GATA5: variants seen among roughly 807,000 people sequenced by gnomAD.
GATA5 encodes the protein GATA binding protein 5.
Under a neutral mutation model 35.0 loss-of-function variants are expected in GATA5, and 27 were observed. That is an observed-to-expected ratio of 0.77 (90% CI 0.57 to 1.06). The LOEUF (loss-of-function observed/expected upper bound fraction) is 1.06, where lower values mean the gene tolerates loss of function less well. Among genes scored for constraint, GATA5 ranks in the 50% least tolerant of loss-of-function variants. The pLI is 0.00. For synonymous variants in GATA5, 306 were observed against 267.8 expected, an observed-to-expected ratio of 1.14 and a Z score of -1.39; for missense variants, 612 against 580.0, an observed-to-expected ratio of 1.06 and a Z score of -0.57.
Position 62,475,189 on chromosome 20 carries a change from T to G in GATA5, c.333A>C (p.Arg111=). 7.9e-7 allele frequency: 1 copy of G among 1,265,756 alleles called. No homozygotes were observed. Among genetic ancestry groups the G allele is most frequent in the Non-Finnish European group, 1.0e-6 (1 of 1,003,270 alleles). The allele number at this position is 1,265,756 out of a possible 1,614,324, so 78.4% of individuals were successfully genotyped here. Residue 111 remains arginine, a synonymous_variant, in exon 2 of 7, where the codon CGA becomes CGC. Transcript: ENST00000252997. ...GCGCGCCCTGGTAGGCACTGCCGTCTCGGCCCCCCGCGCTGCCGCCGCTGC... is the reference window on the plus strand; with the variant it reads ...GCGCGCCCTGGTAGGCACTGCCGTCGCGGCCCCCCGCGCTGCCGCCGCTGC... ...GPGSGGSAGG[R]DGSAYQGALL...
intron 6 of GATA5, 25 bp downstream of exon 6, chr20:62,465,315 A>G (rs1170552889): frequency 3.8e-6 from 6 of 1,574,678 alleles, no homozygotes; most frequent in Non-Finnish European, 5.1e-6. Flanking sequence ...AGCTCTGGGC[A>G]CCCCACCCCA....
At position 62,464,620 on chromosome 20, in the gene GATA5, G is replaced by A. The variant is rs1190351955; in HGVS notation, c.*216C>T. On this transcript the variant is annotated 3_prime_UTR_variant, in exon 7 of 7. Transcript: ENST00000252997. ...GAGTCCCTTGCTGTACGTGGGGTGG[G>A]AAGCTGAGCCCTTCCCTCACCAGCC... is the stretch of plus-strand genomic sequence containing the variant. 2.2e-6 allele frequency: 1 copy of A among 450,422 alleles called. No individual in the cohort carries two copies. Among genetic ancestry groups the A allele is most frequent in the Non-Finnish European group, 3.9e-6 (1 of 258,314 alleles). 27.9% of individuals were successfully genotyped at this position (450,422 alleles called of 1,614,324 possible).
At chr20:62,468,768 G>C (rs928423365) in intron 3 of GATA5, among the ~76,000 whole-genome samples, 4 of 152,198 alleles carry the variant, frequency 2.6e-5, no homozygotes, top group African/African-American at 7.2e-5. Flanking sequence ...GGTCTCTCTA[G>C]GGGGATGCTG....
intron 3 of GATA5, among the ~76,000 whole-genome samples, chr20:62,472,756 G>T (rs1555896688): frequency 6.6e-6 from 1 of 152,198 alleles, no homozygotes; most frequent in Non-Finnish European, 1.5e-5. Flanking sequence ...AAAAGTCCAG[G>T]CTCCGGAGTC....
At position 62,475,187 on chromosome 20, in the gene GATA5, T is replaced by A. The variant is rs1989823406; in HGVS notation, c.335A>T (p.Asp112Val). 1 of 1,267,212 alleles carries A rather than the reference T, an allele frequency of 7.9e-7. No homozygotes were observed. Among genetic ancestry groups the A allele is most frequent in the East Asian group, 3.1e-5 (1 of 31,868 alleles). The allele number at this position is 1,267,212 out of a possible 1,614,324, so 78.5% of individuals were successfully genotyped here. The change falls in exon 2 of 7, where the codon GAC becomes GTC. Residue 112 changes from aspartate to valine, a missense_variant. Physicochemically the swap from Asp to Val is radical, Grantham distance 152. Transcript: ENST00000252997. Reference protein sequence around the residue: ...PGSGGSAGGRDGSAYQGALLP... With the variant: ...PGSGGSAGGRVGSAYQGALLP... ...CAGCGCGCCCTGGTAGGCACTGCCG[T>A]CTCGGCCCCCCGCGCTGCCGCCGCT...
intron 2 of GATA5, among the ~76,000 whole-genome samples, chr20:62,474,289 G>C (rs1247785030): frequency 6.6e-6 from 1 of 152,194 alleles, no homozygotes; most frequent in Non-Finnish European, 1.5e-5. Context: ...AGTGGGGGTG[G>C]GGCAGGGATC....
intron 3 of GATA5, among the ~76,000 whole-genome samples, chr20:62,469,851 G>A (rs782019818): frequency 1.3e-5 from 2 of 152,232 alleles, no homozygotes; most frequent in Non-Finnish European, 2.9e-5. Context: ...GAGGAAACTG[G>A]GGAGGCCCGG....
chr20:62,470,495 C>A lies in GATA5; in HGVS notation c.699+2908G>T, dbSNP rs1219958626. ...ATACAGTGCCCATGCCCCTTGCTGGCCGAGGACAAACTGACTTGGGGACGT... is the reference window on the plus strand; with the variant it reads ...ATACAGTGCCCATGCCCCTTGCTGGACGAGGACAAACTGACTTGGGGACGT... On this transcript the variant is annotated intron_variant, in intron 3 of 6. Transcript: ENST00000252997. This position sits in a 1 kb window ranked among gnomAD's most constrained non-coding sequence, Gnocchi z 4.6. Among the ~76,000 whole-genome samples the A allele has an allele frequency of 6.6e-6, 1 of 152,164 alleles. No individual in the cohort carries two copies. Among genetic ancestry groups the A allele is most frequent in the East Asian group, 1.9e-4 (1 of 5,188 alleles).
In GATA5 at chr20:62,464,585, C is replaced by T. The variant is rs1271185079; in HGVS notation, c.*251G>A. 7 of 384,480 alleles carry T rather than the reference C, an allele frequency of 1.8e-5. No individual in the cohort carries two copies. The highest frequency in any genetic ancestry group is 2.8e-5 in the Non-Finnish European group (6 of 216,824). 23.8% of individuals were successfully genotyped at this position (384,480 alleles called of 1,614,324 possible). On this transcript the variant is annotated 3_prime_UTR_variant, in exon 7 of 7. Coordinates refer to ENST00000252997, the MANE Select transcript of GATA5 (RefSeq NM_080473.5). ...GCCAGTGTGGTCCGGAGCCTTGGGC[C>T]GCACCTGGGGAGTCCCTTGCTGTAC...
chr20:62,475,399 C>G lies in GATA5; in HGVS notation c.123G>C (p.Ser41=), dbSNP rs986487322. Residue 41 remains serine, a synonymous_variant, in exon 2 of 7, where the codon TCG becomes TCC. Coordinates refer to ENST00000252997, the MANE Select transcript of GATA5 (RefSeq NM_080473.5). ...CACACCCGGACAGGTAGGACAGCAT[C>G]GAGGGGACGCGCGCCGGCGGCACAA... ...PMFVPPARVP[S]MLSYLSGCEP... 2 of 1,355,060 alleles carry G rather than the reference C, an allele frequency of 1.5e-6. No individual in the cohort carries two copies. Among genetic ancestry groups the G allele is most frequent in the Non-Finnish European group, 1.9e-6 (2 of 1,052,910 alleles). The allele number at this position is 1,355,060 out of a possible 1,614,324, so 83.9% of individuals were successfully genotyped here.
intron 4 of GATA5, 48 bp from the exon 5 acceptor site, chr20:62,465,969 C>G (rs376995375): frequency 7.3e-7 from 1 of 1,367,630 alleles, no homozygotes; most frequent in Admixed American, 2.0e-5. Flanking sequence ...CTGCTCACCC[C>G]GGGCCCCTTG....
intron 5 of GATA5, 152 bp downstream of exon 5, chr20:62,465,682 C>T (rs1313713560): frequency 1.2e-5 from 10 of 852,894 alleles, no homozygotes; most frequent in South Asian, 8.3e-5. Flanking sequence ...CCCACACCCC[C>T]CCCAGCAAGG....
chr20:62,465,725 T>C, intron 5 of GATA5, 109 bp downstream of exon 5: 1 of 976,180 alleles, frequency 1.0e-6, no homozygotes, highest in South Asian at 1.4e-5. Flanking sequence ...GCATTTGGAC[T>C]TCCAGAGGAC....
At chr20:62,474,906 G>C in intron 2 of GATA5, 93 bp downstream of exon 2, 10 of 1,106,482 alleles carry the variant, frequency 9.0e-6, no homozygotes, top group Non-Finnish European at 1.2e-5. Flanking sequence ...CTCGGACCGT[G>C]GGGGAGGATG....
intron 1 of GATA5, 50 bp from the exon 2 acceptor site, chr20:62,475,592 C>G: frequency 8.6e-7 from 1 of 1,157,028 alleles, no homozygotes; most frequent in Non-Finnish European, 1.1e-6. Flanking sequence ...CTGCGCCCTC[C>G]GCCAGCGCCC....
chr20:62,463,599 A>G lies in GATA5; in HGVS notation c.*1237T>C, dbSNP rs1555895638. On this transcript the variant is annotated 3_prime_UTR_variant, in exon 7 of 7. Coordinates refer to ENST00000252997, the MANE Select transcript of GATA5 (RefSeq NM_080473.5). ...GGGCTGGAAGAACCTCTGGAGGGACAGTTTCAGAATGACCGGACCCGCTCC... is the reference window on the plus strand; with the variant it reads ...GGGCTGGAAGAACCTCTGGAGGGACGGTTTCAGAATGACCGGACCCGCTCC... 6.8e-6 allele frequency: 1 copy of G among 146,144 alleles called. No individual in the cohort carries two copies. The highest frequency in any genetic ancestry group is 1.5e-5 in the Non-Finnish European group (1 of 65,080). The allele number at this position is 146,144 out of a possible 1,614,324, so 9.1% of individuals were successfully genotyped here.
intron 3 of GATA5, among the ~76,000 whole-genome samples, chr20:62,467,045 G>A (rs1012074314): frequency 2.6e-5 from 4 of 152,224 alleles, no homozygotes. Flanking sequence ...GGTCCCACCT[G>A]CCTATGTCTC....
rs1989506979 is a variant in GATA5 at position 62,463,899 on chromosome 20, G to C, written c.*937C>G. On this transcript the variant is annotated 3_prime_UTR_variant, in exon 7 of 7. Transcript: ENST00000252997. Reference sequence around the variant, plus strand: ...CGGCCATTCACAGCTGCGTCGGGTAGGGTGCCTCTCGCCAGCGTCACTCAT... The same window carrying C: ...CGGCCATTCACAGCTGCGTCGGGTACGGTGCCTCTCGCCAGCGTCACTCAT... 1 of 127,222 alleles carries C rather than the reference G, an allele frequency of 7.9e-6. No individual in the cohort carries two copies. Among genetic ancestry groups the C allele is most frequent in the South Asian group, 2.3e-4 (1 of 4,274 alleles). 7.9% of individuals were successfully genotyped at this position (127,222 alleles called of 1,614,324 possible). A position where few individuals can be genotyped will look rare whatever the true frequency, so the allele number is the denominator to read the frequency against.
chr20:62,463,544 T>C lies in GATA5; in HGVS notation c.*1292A>G, dbSNP rs1331165551. 1.3e-5 allele frequency: 2 copies of C among 152,194 alleles called. No homozygotes were observed. The highest frequency in any genetic ancestry group is 4.8e-5 in the African/African-American group (2 of 41,414). The allele number at this position is 152,194 out of a possible 1,614,324, so 9.4% of individuals were successfully genotyped here. ...CTTTCCCTGTGGCTTCATTTGTCTC[T>C]TTTAGAAAAGATGACATCGCATAGA... is the stretch of plus-strand genomic sequence containing the variant. On this transcript the variant is annotated 3_prime_UTR_variant, in exon 7 of 7. Transcript: ENST00000252997.
Sources: gnomAD v4.1 joint callset for allele counts (sites outside exome capture counted in the v4.1 genomes callset) on GRCh38, gnomAD v4.1.1 for gene constraint, Gnocchi (gnomAD v3.1) non-coding constraint, MANE v1.5 for transcripts, NCBI Gene and HGNC (gene_info 2026-07-23, HGNC 2026-07-21) for gene names.